The following CLCN4 variants were observed in gnomAD, a reference collection of about 807,000 sequenced individuals.
CLCN4 encodes the protein H(+)/Cl(-) exchange transporter 4.
Under a neutral mutation model 41.7 loss-of-function variants are expected in CLCN4, and 1 was observed. The ratio of observed to expected loss-of-function variants is 0.02; its 90% CI spans 0.01 to 0.11. The LOEUF (loss-of-function observed/expected upper bound fraction) is 0.11, where lower values mean the gene tolerates loss of function less well. Ranked by LOEUF, CLCN4 falls within the 10% of genes least tolerant of loss-of-function variation. The pLI is 1.00. For synonymous variants in CLCN4, 277 were observed against 285.8 expected, an observed-to-expected ratio of 0.97 and a Z score of 0.31; for missense variants, 287 against 661.0, an observed-to-expected ratio of 0.43 and a Z score of 6.20.
At chrX:10,180,657 C>T (rs775885857) in intron 2 of CLCN4, among the ~76,000 whole-genome samples, 48 of 105,789 alleles carry the variant, frequency 4.5e-4, no homozygotes, top group African/African-American at 1.6e-3. Context: ...ATCCCAGCTA[C>T]TTGGGAGGCT....
intron 2 of CLCN4, among the ~76,000 whole-genome samples, chrX:10,173,735 C>A (rs5934793): frequency 0.27 from 29,842 of 111,285 alleles, 3,342 homozygotes; most frequent in African/African-American, 0.42. Flanking sequence ...TCAGCACCTG[C>A]AGTTTAACCA....
intron 5 of CLCN4, 133 bp from the exon 6 acceptor site, chrX:10,197,806 A>T: frequency 1.3e-6 from 1 of 770,034 alleles, no homozygotes. Flanking sequence ...CTTTTGGTTT[A>T]TACAGGACTG....
At chrX:10,158,263 T>G in intron 1 of CLCN4, 26 bp from the exon 2 acceptor site, 3 of 290,219 alleles carry the variant, frequency 1.0e-5, no homozygotes, top group Middle Eastern at 9.1e-4. Flanking sequence ...CTCCTGTGTG[T>G]TGTTTTTCAT....
At chrX:10,177,229 A>G (rs970457183) in intron 2 of CLCN4, among the ~76,000 whole-genome samples, 6 of 112,672 alleles carry the variant, frequency 5.3e-5, no homozygotes, top group East Asian at 2.8e-4. Flanking sequence ...TGATGTGTCT[A>G]TGGTCTCTGG....
At chrX:10,200,201 T>C (rs1924205553) in intron 6 of CLCN4, among the ~76,000 whole-genome samples, 1 of 112,012 alleles carries the variant, frequency 8.9e-6, no homozygotes. Context: ...CTAATTTTTG[T>C]ATTTTTTTGT....
Position 10,220,700 on chromosome X carries a change from C to T in CLCN4, c.2015C>T (p.Ser672Phe). The T allele has an allele frequency of 8.3e-7, 1 of 1,211,318 alleles. No individual in the cohort carries two copies. Among genetic ancestry groups the T allele is most frequent in the Non-Finnish European group, 1.1e-6 (1 of 895,276 alleles). The change falls in exon 12 of 13, where the codon TCC (serine) becomes TTC (phenylalanine). Residue 672 changes from serine to phenylalanine, a missense_variant. By Grantham distance (155) the Ser-to-Phe change is radical. Transcript: ENST00000380833. ...AGGCAGGAGGGCATTGTGAGCAATTCCATCATGTACTTCACGGAGGAACCC... is the reference window on the plus strand; with the variant it reads ...AGGCAGGAGGGCATTGTGAGCAATTTCATCATGTACTTCACGGAGGAACCC... The part of the protein sequence containing the change: ...RQRQEGIVSN[S>F]IMYFTEEPPE...
At position 10,177,250 on chromosome X, in the gene CLCN4, A is replaced by G. The variant is rs779581043; in HGVS notation, c.-11-7772A>G. ...GTCTATGGTCTCTGGCTGCTTTGCA[A>G]TGACAGCGGTGGAGCTGAGTCGTCT... is the stretch of plus-strand genomic sequence containing the variant. On this transcript the variant is annotated intron_variant, in intron 2 of 12. Transcript: ENST00000380833. Among the ~76,000 whole-genome samples the G allele has an allele frequency of 1.7e-3, 193 of 112,517 alleles. 1 individual carries two copies. The highest frequency in any genetic ancestry group is 3.4e-3 in the Non-Finnish European group (179 of 53,280).
chrX:10,191,456 C>T (rs1456401350), intron 4 of CLCN4, among the ~76,000 whole-genome samples: 2 of 112,124 alleles, frequency 1.8e-5, no homozygotes, highest in African/African-American at 6.5e-5. Flanking sequence ...TATTTGAGTT[C>T]TTTCTACTTT....
intron 8 of CLCN4, among the ~76,000 whole-genome samples, chrX:10,207,229 T>A (rs769099193): frequency 8.9e-6 from 1 of 112,501 alleles, no homozygotes; most frequent in African/African-American, 3.2e-5. Context: ...CCACCAGCGA[T>A]AAATTCCTGT....
At chrX:10,161,684 C>T (rs1178656262) in intron 2 of CLCN4, among the ~76,000 whole-genome samples, 1 of 111,048 alleles carries the variant, frequency 9.0e-6, no homozygotes, top group East Asian at 2.9e-4. Context: ...ATGCAGTGAT[C>T]CCCACCCCTG....
intron 11 of CLCN4, among the ~76,000 whole-genome samples, chrX:10,214,375 G>A (rs1272327470): frequency 1.8e-5 from 2 of 112,995 alleles, no homozygotes; most frequent in African/African-American, 6.4e-5. Context: ...GACATTCTTG[G>A]TTGCAAAGTG....
At chrX:10,205,244 C>T (rs375668467) in intron 6 of CLCN4, among the ~76,000 whole-genome samples, 9 of 110,922 alleles carry the variant, frequency 8.1e-5, no homozygotes, top group African/African-American at 2.3e-4. Context: ...GAGGCCAAGG[C>T]GGGCGGATCA....
At chrX:10,211,585 C>T (rs1034441860) in intron 9 of CLCN4, among the ~76,000 whole-genome samples, 2 of 111,911 alleles carry the variant, frequency 1.8e-5, no homozygotes, top group South Asian at 3.7e-4. Context: ...AAATCACACC[C>T]AAGGATCCAA....
chrX:10,192,175 A>AC (rs199600697), intron 4 of CLCN4, among the ~76,000 whole-genome samples: 2,463 of 109,061 alleles, frequency 0.023, 62 homozygotes, highest in African/African-American at 0.064. Context: ...GCCAGGCCTG[A>AC]CCCCCCACTG....
chrX:10,212,676 G>T (rs1456214437), intron 10 of CLCN4, 23 bp downstream of exon 10: 10 of 1,167,984 alleles, frequency 8.6e-6, no homozygotes, highest in Non-Finnish European at 1.2e-5. Context: ...GTGGGGCAGG[G>T]AGGGGGACCG....
chrX:10,217,785 C>T (rs1924764735), intron 11 of CLCN4, among the ~76,000 whole-genome samples: 1 of 108,505 alleles, frequency 9.2e-6, no homozygotes, highest in Non-Finnish European at 1.9e-5. Flanking sequence ...CTCTGTTTCC[C>T]AGGCTGGAGT....
At chrX:10,157,488 C>T (rs1253356506) in intron 1 of CLCN4, among the ~76,000 whole-genome samples, 1 of 112,860 alleles carries the variant, frequency 8.9e-6, no homozygotes, top group South Asian at 3.6e-4. Context: ...CAAATAAAAG[C>T]AGTCTTTGCT....
At chrX:10,190,157 C>T (rs1923921230) in intron 4 of CLCN4, among the ~76,000 whole-genome samples, 1 of 111,344 alleles carries the variant, frequency 9.0e-6, no homozygotes, top group African/African-American at 3.3e-5. Flanking sequence ...AGTGAGCGGT[C>T]GCACTGCATG....
chrX:10,226,329 A>G (rs1924989294), intron 12 of CLCN4, among the ~76,000 whole-genome samples: 2 of 112,032 alleles, frequency 1.8e-5, no homozygotes, highest in Admixed American at 9.5e-5. Flanking sequence ...AGAACTCAAG[A>G]AATTCTTTGA....
Sources: allele counts gnomAD v4.1 joint callset (sites outside exome capture counted in the v4.1 genomes callset), GRCh38; gene constraint gnomAD v4.1.1; transcripts MANE v1.5; gene names NCBI Gene and HGNC (gene_info 2026-07-23, HGNC 2026-07-21).